Variants in HTT observed in about 807,000 individuals in gnomAD.
HTT encodes the protein huntington disease protein.
HTT carries 104 observed loss-of-function variants against 362.3 expected under a neutral mutation model. The observed-to-expected ratio is 0.29, with a 90% CI of 0.24 to 0.34. The LOEUF (loss-of-function observed/expected upper bound fraction) is 0.34. Among genes scored for constraint, HTT ranks in the 10% least tolerant of loss-of-function variants. HTT has a pLI of 1.00. For synonymous variants in HTT, 1,577 were observed against 1,548.7 expected (o/e 1.02, Z -0.43); for missense variants, 3,301 against 3,928.6 (o/e 0.84, Z 4.27).
intron 63 of HTT, 50 bp downstream of exon 63, chr4:3,235,828 G>C (rs1337691129): frequency 7.0e-7 from 1 of 1,424,262 alleles, no homozygotes; most frequent in Admixed American, 1.8e-5. Context: ...CTGTTCAAGG[G>C]AGGCAGGAGC....
chr4:3,135,170 T>G (rs567559699), intron 19 of HTT, among the ~76,000 whole-genome samples: 70 of 152,308 alleles, frequency 4.6e-4, no homozygotes, highest in African/African-American at 1.6e-3. Flanking sequence ...TTAATTCTGC[T>G]TGTTTAAAAA....
Position 3,230,079 on chromosome 4 carries a change from G to A in HTT, c.8265+37G>A, listed in dbSNP as rs202224247. On this transcript the variant is annotated intron_variant, in intron 60 of 66. Coordinates refer to ENST00000355072, the MANE Select transcript of HTT (RefSeq NM_001388492.1). ...GTGGCACAGAGGTTTCTGTGCTGAAGCCACGGGGGCCCATCTGCCTTGGGA... is the reference window on the plus strand; with the variant it reads ...GTGGCACAGAGGTTTCTGTGCTGAAACCACGGGGGCCCATCTGCCTTGGGA... 1.9e-4 allele frequency: 303 copies of A among 1,582,172 alleles called. 1 individual carries two copies. Among genetic ancestry groups the A allele is most frequent in the Non-Finnish European group, 2.4e-4 (274 of 1,152,098 alleles).
chr4:3,094,294 T>C (rs1269190784), intron 2 of HTT, among the ~76,000 whole-genome samples: 5 of 152,206 alleles, frequency 3.3e-5, no homozygotes, highest in Admixed American at 6.5e-5. Context: ...CAGAACAAAA[T>C]GGAGTGTCCT....
chr4:3,153,179 G>T (rs1389657440), intron 26 of HTT, among the ~76,000 whole-genome samples: 1 of 151,956 alleles, frequency 6.6e-6, no homozygotes, highest in Non-Finnish European at 1.5e-5. Flanking sequence ...GTGGTGAGGG[G>T]GTGAGGAAGC....
chr4:3,097,717 G>T (rs761826639), intron 2 of HTT, among the ~76,000 whole-genome samples: 1 of 152,140 alleles, frequency 6.6e-6, no homozygotes, highest in Non-Finnish European at 1.5e-5. Flanking sequence ...TAGATGAAAT[G>T]GATGAGTTCC....
At chr4:3,155,728 C>CAAAAAAAAA (rs774283812) in intron 27 of HTT, among the ~76,000 whole-genome samples, 1 of 49,648 alleles carries the variant, frequency 2.0e-5, no homozygotes, top group Non-Finnish European at 4.2e-5. Flanking sequence ...AAAAATACCA[C>CAAAAAAAAA]AAAAAAAAAA....
chr4:3,088,830 G>C (rs1234071451), intron 2 of HTT, among the ~76,000 whole-genome samples: 1 of 151,698 alleles, frequency 6.6e-6, no homozygotes, highest in Admixed American at 6.6e-5. Context: ...TTTCATTTTA[G>C]GTTAACTCAT....
chr4:3,157,022 G>T (rs774168326), intron 27 of HTT, 50 bp from the exon 28 acceptor site: 1 of 1,489,696 alleles, frequency 6.7e-7, no homozygotes, highest in Non-Finnish European at 9.1e-7. Flanking sequence ...TTAAAACTTG[G>T]CAAGTTATTT....
chr4:3,095,528 C>T (rs543759032), intron 2 of HTT, among the ~76,000 whole-genome samples: 2 of 152,224 alleles, frequency 1.3e-5, no homozygotes, highest in African/African-American at 4.8e-5. Context: ...AGGGCGAGGG[C>T]GAGGGCGAGG....
chr4:3,109,012 C>T (rs1374233565), intron 6 of HTT, among the ~76,000 whole-genome samples: 2 of 151,522 alleles, frequency 1.3e-5, no homozygotes, highest in African/African-American at 4.9e-5. Context: ...TGTGATTGTG[C>T]CACCACACTC....
chr4:3,087,088 G>T, intron 2 of HTT, 66 bp downstream of exon 2: 1 of 822,242 alleles, frequency 1.2e-6, no homozygotes. Flanking sequence ...TAATGGGCTA[G>T]AATATTCTTT....
At chr4:3,184,261 C>G (rs1718654285) in intron 37 of HTT, among the ~76,000 whole-genome samples, 1 of 151,658 alleles carries the variant, frequency 6.6e-6, no homozygotes, top group Admixed American at 6.6e-5. Context: ...GTGCAAAGGC[C>G]CTGGCGGGGG....
chr4:3,210,096 ACT>A, intron 47 of HTT, 147 bp downstream of exon 47: 1 of 981,812 alleles, frequency 1.0e-6, no homozygotes, highest in East Asian at 2.5e-5. Flanking sequence ...GAGAGACTCC[ACT>A]CTGAATGGGG....
chr4:3,177,218 A>C (rs899942707), intron 33 of HTT, 114 bp from the exon 34 acceptor site: 17 of 725,524 alleles, frequency 2.3e-5, no homozygotes, highest in Non-Finnish European at 4.1e-5. Flanking sequence ...AGTCAAATTT[A>C]TCAGCTGTCA....
Position 3,127,343 on chromosome 4 carries a change from C to G in HTT, c.1482C>G (p.Ile494Met). The G allele has an allele frequency of 6.2e-7, 1 of 1,614,196 alleles. No individual in the cohort carries two copies. The highest frequency in any genetic ancestry group is 8.5e-7 in the Non-Finnish European group (1 of 1,180,024). The change falls in exon 12 of 67, where the codon ATC becomes ATG. Residue 494 changes from isoleucine to methionine, a missense_variant. Transcript: ENST00000355072. ...CTCCAGGGTCAGCAGGTCATGACATCATCACAGAACAGCCACGGTCACAGC... is the reference window on the plus strand; with the variant it reads ...CTCCAGGGTCAGCAGGTCATGACATGATCACAGAACAGCCACGGTCACAGC... ...VSTPGSAGHD[I>M]ITEQPRSQHT...
rs1309884090 is a variant in HTT, at chr4:3,174,921, T to C, written c.4246-25T>C. The C allele has an allele frequency of 3.2e-6, 5 of 1,553,452 alleles. No homozygotes were observed. In the East Asian group the frequency reaches 1.1e-4, roughly 35 times the overall value. ...AGTTGAAGGCTTACTTATGGATTCT[T>C]TCTTTCTTTTTTTCTTTTTTATAGA... On this transcript the variant is annotated intron_variant, in intron 32 of 66. Coordinates refer to ENST00000355072, the MANE Select transcript of HTT (RefSeq NM_001388492.1).
Position 3,127,526 on chromosome 4 carries a change from G to A in HTT, c.1665G>A (p.Ser555=), listed in dbSNP as rs774378512. Residue 555 remains serine, a synonymous_variant, in exon 12 of 67, where the codon TCG becomes TCA. Coordinates refer to ENST00000355072, the MANE Select transcript of HTT (RefSeq NM_001388492.1). ...ACCTGAATGATGGGACCCAGGCCTCGTCGCCCATCAGCGACAGCTCCCAGA... is the reference window on the plus strand; with the variant it reads ...ACCTGAATGATGGGACCCAGGCCTCATCGCCCATCAGCGACAGCTCCCAGA... The part of the protein sequence containing the change: ...AMDLNDGTQA[S]SPISDSSQTT... 3.7e-6 allele frequency: 6 copies of A among 1,614,176 alleles called. No individual in the cohort carries two copies. The highest frequency in any genetic ancestry group is 1.7e-5 in the Admixed American group (1 of 60,026).
intron 56 of HTT, among the ~76,000 whole-genome samples, 173 bp from the exon 57 acceptor site, chr4:3,225,488 C>T (rs933914453): frequency 5.9e-5 from 9 of 152,238 alleles, no homozygotes; most frequent in Non-Finnish European, 1.2e-4. Flanking sequence ...TATAAAGTGA[C>T]AAATCCCCAA....
chr4:3,191,231 T>C (rs944092240), intron 40 of HTT, among the ~76,000 whole-genome samples: 13 of 151,914 alleles, frequency 8.6e-5, no homozygotes, highest in Non-Finnish European at 1.3e-4. Context: ...TGGAGTGCAA[T>C]GGTGCCATCT....
Sources: gnomAD v4.1 joint callset for allele counts (sites outside exome capture counted in the v4.1 genomes callset) on GRCh38, gnomAD v4.1.1 for gene constraint, MANE v1.5 for transcripts, NCBI Gene and HGNC (gene_info 2026-07-23, HGNC 2026-07-21) for gene names.